The following ACSS3 variants were observed in gnomAD, a reference collection of about 807,000 sequenced individuals.
ACSS3 encodes acyl-CoA synthetase short-chain family member 3, mitochondrial.
Under a neutral mutation model 84.2 loss-of-function variants are expected in ACSS3, and 64 were observed. That is an observed-to-expected ratio of 0.76 (90% CI 0.62 to 0.94). The LOEUF is 0.94. Among genes scored for constraint, ACSS3 ranks in the 40% least tolerant of loss-of-function variants. The probability of loss-of-function intolerance (pLI) is 0.00; values close to 1 mark genes in which losing one functional copy is unlikely to be tolerated. For missense variants in ACSS3, 815 were observed against 867.6 expected, an observed-to-expected ratio of 0.94 and a Z score of 0.76; for synonymous variants, 317 against 310.1, an observed-to-expected ratio of 1.02 and a Z score of -0.23.
Position 81,212,334 on chromosome 12 carries a change from A to G in ACSS3, c.1355-4567A>G, listed in dbSNP as rs183161919. On this transcript the variant is annotated intron_variant, in intron 9 of 15. Coordinates refer to ENST00000548058, the MANE Select transcript of ACSS3 (RefSeq NM_024560.4). ...AATAGCTGCTCAAAAACTATTTGCT[A>G]GTAAGTGATTTGTACCACCAGTAAT... Among the ~76,000 whole-genome samples the G allele has an allele frequency of 1.9e-4, 29 of 152,332 alleles. No homozygotes were observed. The East Asian group carries it at 4.4e-3, about 23-fold the overall frequency.
rs1383052661 is a variant in ACSS3, at chr12:81,258,109, T to A, written c.*3187T>A. 1.3e-5 allele frequency: 2 copies of A among 152,006 alleles called. No homozygotes were observed. Among genetic ancestry groups the A allele is most frequent in the Non-Finnish European group, 2.9e-5 (2 of 67,982 alleles). The allele number at this position is 152,006 out of a possible 1,614,324, so 9.4% of individuals were successfully genotyped here. On this transcript the variant is annotated 3_prime_UTR_variant, in exon 16 of 16. Coordinates refer to ENST00000548058, the MANE Select transcript of ACSS3 (RefSeq NM_024560.4). ...CTCAGGCCACATTTTTAGAAAAAAA[T>A]TTTAAGATCACTCCCATAAGCAAGT...
At chr12:81,092,878 T>C (rs192298480) in intron 1 of ACSS3, among the ~76,000 whole-genome samples, 2 of 152,296 alleles carry the variant, frequency 1.3e-5, no homozygotes, top group East Asian at 3.9e-4. Flanking sequence ...TTATTTTGAG[T>C]ATAAGGCTAG....
At chr12:81,155,389 G>A (rs1464469297) in intron 7 of ACSS3, among the ~76,000 whole-genome samples, 2 of 152,020 alleles carry the variant, frequency 1.3e-5, no homozygotes, top group Admixed American at 6.6e-5. Flanking sequence ...TTTTATATCT[G>A]CCTTTCCTGC....
chr12:81,197,735 AC>A (rs1420148571), intron 8 of ACSS3, among the ~76,000 whole-genome samples: 1 of 152,048 alleles, frequency 6.6e-6, no homozygotes, highest in African/African-American at 2.4e-5. Flanking sequence ...CTACAATGAC[AC>A]CCTATTTTTC....
chr12:81,166,579 G>A (rs12821984), intron 7 of ACSS3, among the ~76,000 whole-genome samples: 5,050 of 152,248 alleles, frequency 0.033, 121 homozygotes, highest in African/African-American at 0.052. Flanking sequence ...GAAGGGTGAC[G>A]AGAAGGTTTT....
intron 1 of ACSS3, among the ~76,000 whole-genome samples, chr12:81,088,050 T>G (rs1191392174): frequency 6.6e-6 from 1 of 152,138 alleles, no homozygotes; most frequent in Non-Finnish European, 1.5e-5. Context: ...GGAAGATTGG[T>G]CTTCCCCACA....
chr12:81,124,004 G>A (rs941953506), intron 2 of ACSS3, among the ~76,000 whole-genome samples: 2 of 152,054 alleles, frequency 1.3e-5, no homozygotes, highest in Admixed American at 1.3e-4. Flanking sequence ...AGTATATACC[G>A]AGTAATAGGA....
intron 2 of ACSS3, among the ~76,000 whole-genome samples, chr12:81,111,546 C>T (rs1399613687): frequency 6.6e-6 from 1 of 152,198 alleles, no homozygotes; most frequent in African/African-American, 2.4e-5. Flanking sequence ...TAACCTAAAG[C>T]AAAGGGCCTC....
chr12:81,078,949 T>TG (rs1234723557), intron 1 of ACSS3, among the ~76,000 whole-genome samples: 1 of 152,136 alleles, frequency 6.6e-6, no homozygotes, highest in Non-Finnish European at 1.5e-5. Context: ...AACAACAGCT[T>TG]GAACTGTGAC....
intron 9 of ACSS3, among the ~76,000 whole-genome samples, chr12:81,200,870 G>C (rs2032067896): frequency 6.8e-6 from 1 of 146,936 alleles, no homozygotes; most frequent in South Asian, 2.1e-4. Context: ...CTCCAGCCTG[G>C]GCAACAGAGC....
At chr12:81,126,476 C>A (rs1431865043) in intron 2 of ACSS3, among the ~76,000 whole-genome samples, 1 of 152,048 alleles carries the variant, frequency 6.6e-6, no homozygotes, top group Non-Finnish European at 1.5e-5. Flanking sequence ...TTTCTCTGTC[C>A]ACAATGGCCT....
chr12:81,186,997 C>G (rs1405699175), intron 8 of ACSS3, among the ~76,000 whole-genome samples: 2 of 151,612 alleles, frequency 1.3e-5, no homozygotes, highest in African/African-American at 4.8e-5. Flanking sequence ...AACTGTGGTA[C>G]ATATATGCAA....
chr12:81,114,765 A>G (rs1883897489), intron 2 of ACSS3, among the ~76,000 whole-genome samples: 1 of 152,096 alleles, frequency 6.6e-6, no homozygotes, highest in African/African-American at 2.4e-5. Flanking sequence ...CAATTTTTGA[A>G]CTTTTATTGA....
chr12:81,131,328 G>A (rs1885486884), intron 2 of ACSS3, among the ~76,000 whole-genome samples: 1 of 152,124 alleles, frequency 6.6e-6, no homozygotes, highest in African/African-American at 2.4e-5. Context: ...AGTTCTCCTT[G>A]AAGAGGTCCT....
At chr12:81,183,205 GT>G (rs772679394) in intron 8 of ACSS3, among the ~76,000 whole-genome samples, 5 of 152,292 alleles carry the variant, frequency 3.3e-5, no homozygotes, top group Non-Finnish European at 5.9e-5. Flanking sequence ...ATCACACTTT[GT>G]TTTGTGATTT....
chr12:81,209,061 T>A (rs780116809), intron 9 of ACSS3, among the ~76,000 whole-genome samples: 1 of 152,170 alleles, frequency 6.6e-6, no homozygotes, highest in Admixed American at 6.5e-5. Context: ...CTCTATTTTT[T>A]TCTCTCTGGT....
At chr12:81,236,641 G>T (rs550615215) in intron 13 of ACSS3, among the ~76,000 whole-genome samples, 1 of 151,404 alleles carries the variant, frequency 6.6e-6, no homozygotes, top group Admixed American at 6.6e-5. Context: ...TATTGATATA[G>T]TTATATATCT....
chr12:81,155,070 A>G (rs920252699), intron 7 of ACSS3, among the ~76,000 whole-genome samples: 6 of 152,192 alleles, frequency 3.9e-5, no homozygotes, highest in Admixed American at 3.9e-4. Flanking sequence ...TGATACATTT[A>G]TGTCTAGAAG....
chr12:81,136,601 AG>A (rs1381752154), intron 3 of ACSS3, among the ~76,000 whole-genome samples: 1 of 152,140 alleles, frequency 6.6e-6, no homozygotes, highest in Non-Finnish European at 1.5e-5. Flanking sequence ...CCAAAAAGGC[AG>A]AAAAAGAATC....
Sources: gnomAD v4.1 joint callset for allele counts (sites outside exome capture counted in the v4.1 genomes callset) on GRCh38, gnomAD v4.1.1 for gene constraint, MANE v1.5 for transcripts, NCBI Gene and HGNC (gene_info 2026-07-23, HGNC 2026-07-21) for gene names.